The following SSB variants were observed in gnomAD, a reference collection of about 807,000 sequenced individuals.
The protein encoded by SSB is lupus La protein.
SSB carries 17 observed loss-of-function variants against 52.9 expected under a neutral mutation model. That is an observed-to-expected ratio of 0.32 (90% CI 0.22 to 0.48). The LOEUF is 0.48. Among genes scored for constraint, SSB ranks in the 20% least tolerant of loss-of-function variants. The pLI is 0.99. For synonymous variants in SSB, 111 were observed against 152.1 expected (o/e 0.73, Z 1.99); for missense variants, 314 against 463.6 (o/e 0.68, Z 2.96).
chr2:169,810,008 A>G (rs1260190412), intron 8 of SSB: 4 of 194,418 alleles, frequency 2.1e-5, no homozygotes, highest in Non-Finnish European at 4.1e-5. Context: ...CTAATTAAAT[A>G]CCAGTTGTAT....
At chr2:169,809,011 T>G (rs780315476) in intron 8 of SSB, 109 bp downstream of exon 8, 2 of 858,242 alleles carry the variant, frequency 2.3e-6, no homozygotes, top group Non-Finnish European at 4.0e-6. Flanking sequence ...CTATCTATAG[T>G]TGTTATTGCA....
chr2:169,801,151 T>G, intron 2 of SSB, 125 bp downstream of exon 2: 1 of 674,150 alleles, frequency 1.5e-6, no homozygotes, highest in Non-Finnish European at 2.3e-6. Context: ...GATGAACATA[T>G]AATAGCATAC....
Position 169,810,926 on chromosome 2 carries a change from C to A in SSB, c.879C>A (p.Asn293Lys). Residue 293 changes from asparagine (N) to lysine (K), a missense_variant, in exon 10 of 12, where the codon AAC becomes AAA. By Grantham distance (94) the Asn-to-Lys change is moderately conservative. Coordinates refer to ENST00000260956, the MANE Select transcript of SSB (RefSeq NM_003142.5). ...AAGCCAAAGATGCAAATAATGGTAA[C>A]CTACAATTAAGGAACAAAGAAGTGA... Reference protein sequence around the residue: ...LGKAKDANNGNLQLRNKEVTW... With the variant: ...LGKAKDANNGKLQLRNKEVTW... The A allele has an allele frequency of 6.2e-7, 1 of 1,613,302 alleles. No individual in the cohort carries two copies. Among genetic ancestry groups the A allele is most frequent in the Non-Finnish European group, 8.5e-7 (1 of 1,179,642 alleles).
intron 4 of SSB, 67 bp from the exon 5 acceptor site, chr2:169,806,716 AAT>A (rs1689836714): frequency 7.9e-7 from 1 of 1,271,182 alleles, no homozygotes; most frequent in African/African-American, 1.5e-5. Context: ...AAATGAATCA[AAT>A]TCTCTCCAAT....
rs757893825 is a variant in SSB, at chr2:169,808,560, A to T, written c.626+7A>T. On this transcript the variant is annotated splice_region_variant and intron_variant, in intron 7 of 11. Transcript: ENST00000260956. ...CTAAATTAAGAGCTAAACAGTAAGT[A>T]TGTTGAACTAATCACGACATAATTT... The T allele has an allele frequency of 6.3e-7, 1 of 1,596,332 alleles. No homozygotes were observed. The highest frequency in any genetic ancestry group is 2.2e-5 in the East Asian group (1 of 44,724).
chr2:169,806,464 C>T (rs568383949), intron 4 of SSB: 20 of 183,144 alleles, frequency 1.1e-4, no homozygotes, highest in African/African-American at 2.6e-4. Context: ...TTTTTTATTA[C>T]GGAAAATTTC....
At chr2:169,809,681 C>T (rs988491014) in intron 8 of SSB, among the ~76,000 whole-genome samples, 2 of 151,750 alleles carry the variant, frequency 1.3e-5, no homozygotes, top group Non-Finnish European at 2.9e-5. Flanking sequence ...GGCGCGATCT[C>T]GGCTCACTGC....
chr2:169,798,879 G>C lies in SSB; in HGVS notation c.-107G>C, dbSNP rs923062360. On this transcript the variant is annotated 5_prime_UTR_variant, in exon 1 of 12. Coordinates refer to ENST00000260956, the MANE Select transcript of SSB (RefSeq NM_003142.5). ...CTGCCGGGACGGTCCCCATCTTCTTGGAGCGCTTTAGGCTGGCCGGCGGCG... is the reference window on the plus strand; with the variant it reads ...CTGCCGGGACGGTCCCCATCTTCTTCGAGCGCTTTAGGCTGGCCGGCGGCG... The C allele has an allele frequency of 2.6e-5, 4 of 152,264 alleles. No individual in the cohort carries two copies. Among genetic ancestry groups the C allele is most frequent in the African/African-American group, 7.2e-5 (3 of 41,440 alleles). 9.4% of individuals were successfully genotyped at this position (152,264 alleles called of 1,614,324 possible). A position where few individuals can be genotyped will look rare whatever the true frequency, so the allele number is the denominator to read the frequency against.
chr2:169,799,278 CTTTTTTTTTTTTT>C (rs55750138), intron 1 of SSB: 1 of 103,372 alleles, frequency 9.7e-6, no homozygotes, highest in Admixed American at 1.1e-4. Flanking sequence ...CCCATTGCGT[CTTTTTTTTTTTTT>C]TTTTTTTTTA....
intron 9 of SSB, 68 bp downstream of exon 9, chr2:169,810,491 TAGAA>T: frequency 1.4e-6 from 2 of 1,395,408 alleles, no homozygotes; most frequent in Non-Finnish European, 1.9e-6. Context: ...ACAAAATTAG[TAGAA>T]AGTAATTTTA....
Position 169,812,044 on chromosome 2 carries a change from A to G in SSB, c.*288A>G, listed in dbSNP as rs1166486343. 14 of 688,168 alleles carry G rather than the reference A, an allele frequency of 2.0e-5. No homozygotes were observed. In the East Asian group the frequency reaches 3.7e-4, roughly 18 times the overall value. The allele number at this position is 688,168 out of a possible 1,614,324, so 42.6% of individuals were successfully genotyped here. ...GTACAAACTAACTAATAAAATATAT[A>G]CTATATGAAAAGAGCAAAAACAGTT... On this transcript the variant is annotated 3_prime_UTR_variant, in exon 12 of 12. Transcript: ENST00000260956.
chr2:169,802,835 C>T (rs1486650684), intron 2 of SSB, among the ~76,000 whole-genome samples: 1 of 152,154 alleles, frequency 6.6e-6, no homozygotes, highest in Non-Finnish European at 1.5e-5. Context: ...TATTTCCTTC[C>T]CTTTCCCCCG....
Position 169,808,497 on chromosome 2 carries a change from CA to C in SSB, c.578del (p.Asn193MetfsTer13), listed in dbSNP as rs753297385. The C allele has an allele frequency of 1.1e-5, 18 of 1,608,102 alleles. No individual in the cohort carries two copies. Among genetic ancestry groups the C allele is most frequent in the Non-Finnish European group, 1.4e-5 (17 of 1,176,294 alleles). On this transcript the variant is annotated frameshift_variant, in exon 7 of 12. Transcript: ENST00000260956. LOFTEE classifies it high-confidence loss of function. ...TGTTCTTTAGGGACGATTACTTTGC[CA>C]AAAAAAATGAAGAAAGAAAACAAAA... ...LILFKDDYFAKKNEERKQNKV... is the reference protein window; with the variant it reads ...LILFKDDYFAXKNEERKQNKV...
intron 1 of SSB, among the ~76,000 whole-genome samples, chr2:169,799,800 G>GTC (rs1689670213): frequency 1.3e-5 from 2 of 152,172 alleles, no homozygotes. Flanking sequence ...ATTGCAGTGT[G>GTC]TCAGGGGATG....
chr2:169,811,343 T>G lies in SSB; in HGVS notation c.1138+20T>G, dbSNP rs752486215. The G allele has an allele frequency of 6.5e-7, 1 of 1,537,746 alleles. No individual in the cohort carries two copies. Among genetic ancestry groups the G allele is most frequent in the African/African-American group, 1.4e-5 (1 of 70,622 alleles). The stretch of plus-strand genomic sequence containing the variant: ...CAACTGGTAAGTTTTTTTTAAGTCC[T>G]TTGGTAGTTTCATGAGAAAATTTCT... On this transcript the variant is annotated intron_variant, in intron 11 of 11. Transcript: ENST00000260956.
Position 169,806,691 on chromosome 2 carries a change from GTTCAT to G in SSB, c.346-89_346-85del. ...ATAGAGATAGATAGGTATATCCTGG[GTTCAT>G]TTCAAGAAAAAATGAATCAAATTCT... On this transcript the variant is annotated intron_variant, in intron 4 of 11. Coordinates refer to ENST00000260956, the MANE Select transcript of SSB (RefSeq NM_003142.5). 19 of 1,018,402 alleles carry G rather than the reference GTTCAT, an allele frequency of 1.9e-5. No homozygotes were observed. The South Asian group carries it at 3.0e-4, about 16-fold the overall frequency. 63.1% of individuals were successfully genotyped at this position (1,018,402 alleles called of 1,614,324 possible). A position where few individuals can be genotyped will look rare whatever the true frequency, so the allele number is the denominator to read the frequency against.
Position 169,812,020 on chromosome 2 carries a change from T to C in SSB, c.*264T>C. Reference sequence around the variant, plus strand: ...CCTTTGTAATATGAGAATGTATTAGTACAAACTAACTAATAAAATATATAC... The same window carrying C: ...CCTTTGTAATATGAGAATGTATTAGCACAAACTAACTAATAAAATATATAC... On this transcript the variant is annotated 3_prime_UTR_variant, in exon 12 of 12. Coordinates refer to ENST00000260956, the MANE Select transcript of SSB (RefSeq NM_003142.5). 1.3e-6 allele frequency: 1 copy of C among 778,572 alleles called. No homozygotes were observed. The highest frequency in any genetic ancestry group is 1.9e-5 in the South Asian group (1 of 52,554). 48.2% of individuals were successfully genotyped at this position (778,572 alleles called of 1,614,324 possible).
intron 6 of SSB, among the ~76,000 whole-genome samples, chr2:169,807,445 C>T (rs550784965): frequency 3.1e-4 from 47 of 152,128 alleles, no homozygotes; most frequent in African/African-American, 1.1e-3. Context: ...CGTGCCACCT[C>T]GTCCACCTAA....
At position 169,811,040 on chromosome 2, in the gene SSB, A is replaced by C; in HGVS notation, c.993A>C (p.Ser331=). ...AAGAATCCCTAAACAAATGGAAGTC[A>C]AAAGGTCATTTATTCTGATTTTTCT... The part of the protein sequence containing the change: ...DQQESLNKWK[S]KGRRFKGKGK... Residue 331 remains serine, a synonymous_variant, in exon 10 of 12, where the codon TCA becomes TCC. Transcript: ENST00000260956. 1 of 1,609,048 alleles carries C rather than the reference A, an allele frequency of 6.2e-7. No homozygotes were observed. Among genetic ancestry groups the C allele is most frequent in the Non-Finnish European group, 8.5e-7 (1 of 1,178,982 alleles).
Sources: allele counts gnomAD v4.1 joint callset (sites outside exome capture counted in the v4.1 genomes callset), GRCh38; gene constraint gnomAD v4.1.1; transcripts MANE v1.5; gene names NCBI Gene and HGNC (gene_info 2026-07-23, HGNC 2026-07-21).